Variants in HACL2 observed in about 807,000 individuals in gnomAD.
HACL2 encodes 2-hydroxyacyl-CoA lyase 1 like.
the HACL2 span, chr19:15,123,129 C>T: frequency 3.1e-6 from 5 of 1,613,810 alleles, no homozygotes; most frequent in Non-Finnish European, 3.4e-6. This position sits in a 1 kb window ranked among gnomAD's most constrained non-coding sequence, Gnocchi z 5.1. Context: ...CAGCAGAGTG[C>T]TGGCAGCCCC....
At chr19:15,116,041 C>A in the HACL2 span, 1 of 1,614,020 alleles carries the variant, frequency 6.2e-7, no homozygotes, top group Non-Finnish European at 8.5e-7. Flanking sequence ...AAGTGCAAAT[C>A]CTGCACCAAC....
chr19:15,115,425 G>A, the HACL2 span: 1 of 1,613,192 alleles, frequency 6.2e-7, no homozygotes, highest in African/African-American at 1.3e-5. Flanking sequence ...GCTGCCTTGT[G>A]ATAATCTAAA....
the HACL2 span, chr19:15,123,612 G>A: frequency 6.3e-7 from 1 of 1,592,290 alleles, no homozygotes; most frequent in Non-Finnish European, 8.5e-7. The surrounding 1 kb of genome is among the most constrained non-coding windows in gnomAD (Gnocchi z 5.1). Flanking sequence ...TAAAGTTAAA[G>A]GCCAGGGCAG....
the HACL2 span, chr19:15,115,791 C>A: frequency 1.0e-5 from 16 of 1,588,980 alleles, no homozygotes; most frequent in Non-Finnish European, 6.9e-6. Context: ...CTCAGCCCAC[C>A]CCTGGTGACA....
chr19:15,115,592 T>A, the HACL2 span: 3 of 1,613,574 alleles, frequency 1.9e-6, no homozygotes, highest in Non-Finnish European at 2.5e-6. Context: ...ACAGGCCACG[T>A]TGCTGCCCAG....
At chr19:15,122,742 T>C in the HACL2 span, 1 of 1,614,088 alleles carries the variant, frequency 6.2e-7, no homozygotes, top group African/African-American at 1.3e-5. This position sits in a 1 kb window ranked among gnomAD's most constrained non-coding sequence, Gnocchi z 4.0. Context: ...GCTGGCACCA[T>C]CTCCTTCTGG....
the HACL2 span, chr19:15,123,089 C>T: frequency 1.2e-6 from 2 of 1,612,410 alleles, no homozygotes; most frequent in Non-Finnish European, 1.7e-6. The surrounding 1 kb of genome is among the most constrained non-coding windows in gnomAD (Gnocchi z 5.1). Flanking sequence ...CCCCCTAGGC[C>T]CCCACTGGCC....
the HACL2 span, chr19:15,115,718 T>G: frequency 6.3e-7 from 1 of 1,592,948 alleles, no homozygotes; most frequent in Non-Finnish European, 8.6e-7. Context: ...GCCCCATGGC[T>G]TGGCCAGCCA....
chr19:15,121,920 C>T, the HACL2 span, among the ~76,000 whole-genome samples: 1 of 127,680 alleles, frequency 7.8e-6, no homozygotes, highest in Non-Finnish European at 1.6e-5. Context: ...TTTTTTGAGA[C>T]GGAGTCTTGC....
the HACL2 span, chr19:15,117,884 G>T: frequency 1.9e-6 from 3 of 1,613,868 alleles, no homozygotes; most frequent in Admixed American, 1.7e-5. Flanking sequence ...GGCTCACCCT[G>T]CACAGCCTCC....
At chr19:15,119,461 C>A in the HACL2 span, 1 of 1,614,162 alleles carries the variant, frequency 6.2e-7, no homozygotes, top group Admixed American at 1.7e-5. Flanking sequence ...GCCTGACTCC[C>A]CAGCACCATC....
chr19:15,116,031 A>G, the HACL2 span: 2 of 1,613,896 alleles, frequency 1.2e-6, no homozygotes, highest in African/African-American at 2.7e-5. Context: ...GCTTGGCCCC[A>G]AGTGCAAATC....
the HACL2 span, chr19:15,115,913 G>A: frequency 6.2e-7 from 1 of 1,614,116 alleles, no homozygotes; most frequent in South Asian, 1.1e-5. Context: ...CCCCAAACAG[G>A]CACCAGACCT....
At chr19:15,122,377 GAGGA>G in the HACL2 span, among the ~76,000 whole-genome samples, 1 of 152,104 alleles carries the variant, frequency 6.6e-6, no homozygotes, top group African/African-American at 2.4e-5. The surrounding 1 kb of genome is among the most constrained non-coding windows in gnomAD (Gnocchi z 4.0). Flanking sequence ...GGGAGGAGAA[GAGGA>G]AGGAAGAGGG....
At chr19:15,120,222 G>A in the HACL2 span, 2 of 562,170 alleles carry the variant, frequency 3.6e-6, no homozygotes, top group Non-Finnish European at 6.4e-6. Context: ...ACACCTCAGG[G>A]ACAGACGAAC....
chr19:15,115,252 C>T, the HACL2 span: 2 of 1,614,120 alleles, frequency 1.2e-6, no homozygotes. Flanking sequence ...CCACAAGGCC[C>T]TATACAGCAA....
the HACL2 span, chr19:15,123,839 A>T: frequency 1.9e-6 from 1 of 527,534 alleles, no homozygotes; most frequent in Non-Finnish European, 3.4e-6. This position sits in a 1 kb window ranked among gnomAD's most constrained non-coding sequence, Gnocchi z 5.1. Context: ...GTTCAATAGA[A>T]CCCACGCTCT....
At chr19:15,123,070 C>T in the HACL2 span, 1 of 1,610,346 alleles carries the variant, frequency 6.2e-7, no homozygotes, top group Non-Finnish European at 8.5e-7. This position sits in a 1 kb window ranked among gnomAD's most constrained non-coding sequence, Gnocchi z 5.1. Flanking sequence ...TCGCATGAGC[C>T]CTTCAAGCCC....
the HACL2 span, chr19:15,116,369 G>A: frequency 4.8e-5 from 78 of 1,613,768 alleles, no homozygotes; most frequent in Middle Eastern, 3.3e-4. Flanking sequence ...AGGGTCTGCC[G>A]GGAACCCCCT....
Sources: gnomAD v4.1 joint callset for allele counts (sites outside exome capture counted in the v4.1 genomes callset) on GRCh38, gnomAD v4.1.1 for gene constraint, Gnocchi (gnomAD v3.1) non-coding constraint, MANE v1.5 for transcripts, NCBI Gene and HGNC (gene_info 2026-07-23, HGNC 2026-07-21) for gene names.